KIAA1217: variants seen among roughly 807,000 people sequenced by gnomAD.
KIAA1217 encodes the protein KIAA1217, also known as sickle tail protein homolog.
KIAA1217 carries 88 observed loss-of-function variants against 163.9 expected under a neutral mutation model. The observed-to-expected ratio is 0.54, with a 90% confidence interval of 0.45 to 0.64. KIAA1217 has a LOEUF of 0.64. Among genes scored for constraint, KIAA1217 ranks in the 30% least tolerant of loss-of-function variants. KIAA1217 has a pLI of 0.00. For synonymous variants in KIAA1217, 903 were observed against 923.1 expected (o/e 0.98, Z 0.39); for missense variants, 2,372 against 2,475.0 (o/e 0.96, Z 0.88).
At chr10:24,339,037 A>G (rs947119788) in intron 2 of KIAA1217, among the ~76,000 whole-genome samples, 2 of 152,166 alleles carry the variant, frequency 1.3e-5, no homozygotes, top group Non-Finnish European at 2.9e-5. Flanking sequence ...GTAAAACTGA[A>G]GATTCCATAT....
In KIAA1217 at chr10:24,356,689, C is replaced by G. The variant is rs536429208; in HGVS notation, c.355-24180C>G. Among the ~76,000 whole-genome samples, 4 of 152,342 alleles carry G rather than the reference C, an allele frequency of 2.6e-5. No homozygotes were observed. The East Asian group carries it at 7.7e-4, about 29-fold the overall frequency. ...AGAAAAGAATAAGTTTGGGCCCCCT[C>G]CTCTGTCACTCACACACATGCTCCC... On this transcript the variant is annotated intron_variant, in intron 2 of 20. Coordinates refer to ENST00000376454, the MANE Select transcript of KIAA1217 (RefSeq NM_019590.5).
chr10:23,700,958 G>A (rs936418471), intron 1 of KIAA1217, among the ~76,000 whole-genome samples: 12 of 151,988 alleles, frequency 7.9e-5, no homozygotes, highest in African/African-American at 2.9e-4. Context: ...ATCCCTAGTG[G>A]CTAGAACAAT....
intron 1 of KIAA1217, among the ~76,000 whole-genome samples, chr10:23,757,463 T>G (rs1348171365): frequency 1.3e-5 from 2 of 152,164 alleles, no homozygotes; most frequent in Non-Finnish European, 2.9e-5. Flanking sequence ...TCATTGTGGT[T>G]TTGACTTACA....
chr10:23,778,336 T>A (rs1393549249), intron 1 of KIAA1217, among the ~76,000 whole-genome samples: 2 of 152,236 alleles, frequency 1.3e-5, no homozygotes, highest in Non-Finnish European at 2.9e-5. Flanking sequence ...CATTTCTTTT[T>A]AGTATCATTA....
chr10:24,030,990 C>G (rs146818605), intron 2 of KIAA1217, among the ~76,000 whole-genome samples: 1,830 of 152,244 alleles, frequency 0.012, 20 homozygotes, highest in Middle Eastern at 0.041. Flanking sequence ...ATGAGCATGG[C>G]TGTACAAATA....
In KIAA1217 at chr10:24,511,984, T is replaced by G. The variant is rs1168613676; in HGVS notation, c.2002-1275T>G. Among the ~76,000 whole-genome samples, 7 of 152,118 alleles carry G rather than the reference T, an allele frequency of 4.6e-5. 1 individual carries two copies. In the South Asian group the frequency reaches 1.2e-3, roughly 27 times the overall value. On this transcript the variant is annotated intron_variant, in intron 9 of 20. Coordinates refer to ENST00000376454, the MANE Select transcript of KIAA1217 (RefSeq NM_019590.5). The stretch of plus-strand genomic sequence containing the variant: ...CCCCTTTTTTGGATAGACACAGAGG[T>G]GAATAGCTTGCCCATGGACACACAT...
At chr10:24,445,815 A>G (rs2060884485) in intron 5 of KIAA1217, among the ~76,000 whole-genome samples, 1 of 151,912 alleles carries the variant, frequency 6.6e-6, no homozygotes, top group Admixed American at 6.6e-5. Context: ...AGTCTTTGCT[A>G]TTGTGAATAG....
At chr10:24,064,602 C>CT (rs2060864449) in intron 2 of KIAA1217, among the ~76,000 whole-genome samples, 1 of 151,528 alleles carries the variant, frequency 6.6e-6, no homozygotes, top group African/African-American at 2.4e-5. Flanking sequence ...CTAAAACTCT[C>CT]TTTTTTTGTT....
chr10:24,158,554 T>C (rs537052165), intron 2 of KIAA1217: 21 of 510,432 alleles, frequency 4.1e-5, no homozygotes, highest in Middle Eastern at 3.2e-4. Context: ...TGTAAAATCC[T>C]GTATTGACTA....
chr10:24,329,074 T>G (rs2133485207), intron 2 of KIAA1217, among the ~76,000 whole-genome samples: 1 of 147,950 alleles, frequency 6.8e-6, no homozygotes, highest in East Asian at 2.0e-4. Flanking sequence ...ATATAGTATA[T>G]AAATAGTATA....
At chr10:24,074,703 C>CTTTTTTTTT (rs35168053) in intron 2 of KIAA1217, among the ~76,000 whole-genome samples, 1 of 99,486 alleles carries the variant, frequency 1.0e-5, no homozygotes, top group Non-Finnish European at 2.2e-5. Flanking sequence ...TCTTCTTCTT[C>CTTTTTTTTT]TTTTTTTTTT....
At chr10:24,222,788 G>A (rs886781733) in intron 2 of KIAA1217, among the ~76,000 whole-genome samples, 2 of 152,156 alleles carry the variant, frequency 1.3e-5, no homozygotes, top group Non-Finnish European at 2.9e-5. Context: ...GGGATCACAG[G>A]TGTGAGCCCC....
At chr10:24,094,154 C>G (rs563760010) in intron 2 of KIAA1217, among the ~76,000 whole-genome samples, 5 of 152,120 alleles carry the variant, frequency 3.3e-5, no homozygotes, top group South Asian at 4.2e-4. Flanking sequence ...ATAGTCCTTT[C>G]GGTATATACC....
chr10:24,010,196 C>T (rs60646116), intron 2 of KIAA1217, among the ~76,000 whole-genome samples: 15,852 of 150,830 alleles, frequency 0.11, 950 homozygotes, highest in African/African-American at 0.17. Flanking sequence ...AAAAAAATGA[C>T]AGGGTAAAAT....
At chr10:24,018,490 A>G (rs1463349393) in intron 2 of KIAA1217, among the ~76,000 whole-genome samples, 1 of 151,984 alleles carries the variant, frequency 6.6e-6, no homozygotes, top group Non-Finnish European at 1.5e-5. Context: ...GCACACCAAC[A>G]TGGCACATGT....
intron 1 of KIAA1217, among the ~76,000 whole-genome samples, chr10:23,998,134 T>A (rs1231866624): frequency 6.6e-6 from 1 of 152,056 alleles, no homozygotes; most frequent in Non-Finnish European, 1.5e-5. Flanking sequence ...AATTCACTTA[T>A]ATTTTTAAAA....
intron 1 of KIAA1217, among the ~76,000 whole-genome samples, chr10:23,927,576 G>C (rs1843078657): frequency 6.6e-6 from 1 of 152,126 alleles, no homozygotes; most frequent in Non-Finnish European, 1.5e-5. Flanking sequence ...AAGTGATTAT[G>C]TGAGCTCATG....
intron 2 of KIAA1217, among the ~76,000 whole-genome samples, chr10:24,139,726 T>C (rs1260336389): frequency 6.6e-6 from 1 of 152,200 alleles, no homozygotes; most frequent in African/African-American, 2.4e-5. Context: ...ATGAAGATCA[T>C]CTGATTTAAT....
chr10:24,153,296 G>A (rs898401956), intron 2 of KIAA1217, among the ~76,000 whole-genome samples: 1 of 152,146 alleles, frequency 6.6e-6, no homozygotes, highest in African/African-American at 2.4e-5. Flanking sequence ...ATACTTTTGA[G>A]GGTAAGAACA....
Sources: allele counts gnomAD v4.1 joint callset (sites outside exome capture counted in the v4.1 genomes callset), GRCh38; gene constraint gnomAD v4.1.1; transcripts MANE v1.5; gene names NCBI Gene and HGNC (gene_info 2026-07-23, HGNC 2026-07-21).